The following HYDIN variants were observed in gnomAD, a reference collection of about 807,000 sequenced individuals.
HYDIN encodes HYDIN axonemal central pair apparatus protein.
Under a neutral mutation model 403.9 loss-of-function variants are expected in HYDIN, and 132 were observed. The ratio of observed to expected loss-of-function variants is 0.33; its 90% CI spans 0.28 to 0.38. The LOEUF (loss-of-function observed/expected upper bound fraction) is 0.38. Ranked by LOEUF, HYDIN falls within the 10% of genes least tolerant of loss-of-function variation. The pLI is 1.00. For missense variants in HYDIN, 2,827 were observed against 5,009.5 expected, an observed-to-expected ratio of 0.56 and a Z score of 13.15; for synonymous variants, 1,202 against 1,891.7, an observed-to-expected ratio of 0.64 and a Z score of 9.46.
intron 79 of HYDIN, 100 bp downstream of exon 79, chr16:70,833,780 GAGAGGAC>G (rs1567674796): frequency 2.8e-6 from 2 of 712,022 alleles, no homozygotes; most frequent in African/African-American, 3.7e-5. Context: ...ATGTAGAAGG[GAGAGGAC>G]AGAAGTAAAA....
At chr16:70,868,503 G>T in intron 66 of HYDIN, 67 bp downstream of exon 66, 2 of 1,510,866 alleles carry the variant, frequency 1.3e-6, no homozygotes, top group Middle Eastern at 2.4e-4. Context: ...AATGATGAGG[G>T]ACTTGAGACC....
intron 8 of HYDIN, among the ~76,000 whole-genome samples, chr16:71,135,873 AC>A (rs2084899509): frequency 6.8e-6 from 1 of 147,006 alleles, no homozygotes; most frequent in Non-Finnish European, 1.5e-5. Flanking sequence ...CTTCTGGCCC[AC>A]TGTGTCCTGT....
intron 73 of HYDIN, among the ~76,000 whole-genome samples, chr16:70,851,598 G>C (rs893573000): frequency 2.6e-5 from 4 of 151,230 alleles, no homozygotes; most frequent in African/African-American, 9.8e-5. Context: ...AGGCTGCAGA[G>C]AAAAGGGAAC....
chr16:71,158,582 T>C (rs1416430078), intron 6 of HYDIN, among the ~76,000 whole-genome samples: 3 of 142,886 alleles, frequency 2.1e-5, no homozygotes, highest in African/African-American at 8.3e-5. Context: ...AGGTAGATTC[T>C]TTTTTTCATA....
intron 1 of HYDIN, among the ~76,000 whole-genome samples, chr16:71,215,981 C>T (rs1192489827): frequency 6.6e-6 from 1 of 152,132 alleles, no homozygotes. Context: ...TGAATATTGG[C>T]TCCTCTGTGT....
intron 45 of HYDIN, among the ~76,000 whole-genome samples, chr16:70,926,045 C>A (rs1201047348): frequency 6.6e-6 from 1 of 150,988 alleles, no homozygotes; most frequent in Non-Finnish European, 1.5e-5. Context: ...TTGTGGAAGT[C>A]GGTGTGGCGA....
chr16:70,892,449 G>A lies in HYDIN; in HGVS notation c.9329C>T (p.Thr3110Ile). The change falls in exon 56 of 86, where the codon ACC becomes ATC. Residue 3110 changes from threonine to isoleucine, a missense_variant. Physicochemically the swap from Thr to Ile is moderately conservative, Grantham distance 89. Transcript: ENST00000393567. ...GACATTTGTGGGTTTTTCTGTTGGG[G>A]TCAGTGAACCCTTTTTGGGTTGGAC... is the stretch of plus-strand genomic sequence containing the variant. ...ISVQPKKGSL[T>I]PTEKPTNVQV... is the part of the protein sequence containing the mutation. 6.2e-7 allele frequency: 1 copy of A among 1,604,516 alleles called. No individual in the cohort carries two copies. The highest frequency in any genetic ancestry group is 8.5e-7 in the Non-Finnish European group (1 of 1,176,500).
intron 47 of HYDIN, among the ~76,000 whole-genome samples, chr16:70,914,370 A>AGAC: frequency 6.6e-6 from 1 of 152,278 alleles, no homozygotes; most frequent in African/African-American, 2.4e-5. Context: ...TGTCTGAAAA[A>AGAC]GACTGTATCT....
At chr16:70,933,042 C>T (rs2077393970) in intron 45 of HYDIN, among the ~76,000 whole-genome samples, 1 of 151,766 alleles carries the variant, frequency 6.6e-6, no homozygotes, top group Non-Finnish European at 1.5e-5. Context: ...CAGAAAAATA[C>T]ACTTTATGTT....
rs2086794956 is a variant in HYDIN, at chr16:71,178,984, T to G, written c.325A>C (p.Asn109His). 1 of 1,611,666 alleles carries G rather than the reference T, an allele frequency of 6.2e-7. No homozygotes were observed. The highest frequency in any genetic ancestry group is 1.3e-5 in the African/African-American group (1 of 74,888). ...TCATAGACTTCACAGGGAGTGTAGT[T>G]CTGAAATATAATTTCTGATGGAAAG... is the stretch of plus-strand genomic sequence containing the variant. ...QPFPSEIIFQ[N>H]YTPCEVYEVP... Residue 109 changes from asparagine (N) to histidine (H), a missense_variant, in exon 4 of 86, where the codon AAC becomes CAC. Physicochemically the swap from Asn to His is moderately conservative, Grantham distance 68. Coordinates refer to ENST00000393567, the MANE Select transcript of HYDIN (RefSeq NM_001270974.2).
At chr16:71,053,295 T>C (rs567235342) in intron 18 of HYDIN, among the ~76,000 whole-genome samples, 98 of 152,304 alleles carry the variant, frequency 6.4e-4, no homozygotes, top group Middle Eastern at 6.8e-3. Context: ...AATGTACCTA[T>C]CTGAAGAGTC....
chr16:71,029,565 C>A (rs937340209), intron 19 of HYDIN, among the ~76,000 whole-genome samples: 3 of 105,928 alleles, frequency 2.8e-5, no homozygotes, highest in Admixed American at 1.1e-4. Context: ...TTTGAGTGCA[C>A]GAAAAGAAAT....
intron 1 of HYDIN, among the ~76,000 whole-genome samples, chr16:71,204,222 T>C (rs189279941): frequency 4.6e-5 from 7 of 152,364 alleles, no homozygotes; most frequent in African/African-American, 1.7e-4. Context: ...TTGATCTTGT[T>C]TGTTAACCAA....
intron 47 of HYDIN, among the ~76,000 whole-genome samples, chr16:70,911,333 T>C (rs1242048794): frequency 2.6e-5 from 4 of 151,414 alleles, no homozygotes. Flanking sequence ...TACATGTGGC[T>C]AGCCAATTAT....
intron 9 of HYDIN, among the ~76,000 whole-genome samples, chr16:71,120,545 G>A (rs2084218760): frequency 6.8e-6 from 1 of 147,978 alleles, no homozygotes; most frequent in African/African-American, 2.5e-5. Context: ...CATGAGAAAG[G>A]TGTCATTTAA....
At chr16:71,051,119 A>G (rs1462983257) in intron 18 of HYDIN, among the ~76,000 whole-genome samples, 1 of 151,514 alleles carries the variant, frequency 6.6e-6, no homozygotes, top group African/African-American at 2.4e-5. Context: ...ATAATAGTAT[A>G]TTATAATTGG....
chr16:71,222,942 A>G (rs2040866956), intron 1 of HYDIN, among the ~76,000 whole-genome samples: 1 of 152,164 alleles, frequency 6.6e-6, no homozygotes, highest in South Asian at 2.1e-4. Flanking sequence ...CAAAATACCA[A>G]CATCATTCTT....
intron 1 of HYDIN, among the ~76,000 whole-genome samples, chr16:71,205,279 G>C (rs1049163683): frequency 2.0e-5 from 3 of 152,206 alleles, no homozygotes; most frequent in African/African-American, 7.2e-5. Context: ...AGAGAATAGA[G>C]AGGAGCAAAG....
chr16:70,995,154 T>C (rs1449484884), intron 23 of HYDIN, among the ~76,000 whole-genome samples: 1 of 152,182 alleles, frequency 6.6e-6, no homozygotes, highest in Non-Finnish European at 1.5e-5. Flanking sequence ...ATGAGGACTT[T>C]ACGTTATTAA....
Sources: gnomAD v4.1 joint callset for allele counts (sites outside exome capture counted in the v4.1 genomes callset) on GRCh38, gnomAD v4.1.1 for gene constraint, MANE v1.5 for transcripts, NCBI Gene and HGNC (gene_info 2026-07-23, HGNC 2026-07-21) for gene names.